NTRK2: variants seen among roughly 807,000 people sequenced by gnomAD.
The protein encoded by NTRK2 is neurotrophic receptor tyrosine kinase 2, also known as BDNF/NT-3 growth factors receptor.
NTRK2 carries 13 observed loss-of-function variants against 94.5 expected under a neutral mutation model. That is an observed-to-expected ratio of 0.14 (90% confidence interval 0.09 to 0.22). The LOEUF is 0.22. Ranked by LOEUF, NTRK2 falls within the 10% of genes least tolerant of loss-of-function variation. The pLI, the probability that NTRK2 is intolerant of heterozygous loss-of-function variation, is 1.00. For synonymous variants in NTRK2, 372 were observed against 407.4 expected, an observed-to-expected ratio of 0.91 and a Z score of 1.05; for missense variants, 639 against 1,071.2, an observed-to-expected ratio of 0.60 and a Z score of 5.63.
chr9:84,961,527 T>G (rs1238065033), intron 17 of NTRK2, among the ~76,000 whole-genome samples: 1 of 152,242 alleles, frequency 6.6e-6, no homozygotes, highest in Non-Finnish European at 1.5e-5. Context: ...AGGTTCTAAA[T>G]TGGTTTAATT....
At chr9:84,815,741 T>G (rs2072334796) in intron 12 of NTRK2, 2 of 1,003,946 alleles carry the variant, frequency 2.0e-6, no homozygotes. Flanking sequence ...TCTTGTGTAC[T>G]TCCTCACACT....
At chr9:84,810,896 C>T in intron 12 of NTRK2, 1 of 1,228,068 alleles carries the variant, frequency 8.1e-7, no homozygotes, top group Non-Finnish European at 1.0e-6. Flanking sequence ...TTGGATTGTA[C>T]TTCTCTTCTG....
At chr9:84,696,893 T>G (rs907857108) in intron 2 of NTRK2, among the ~76,000 whole-genome samples, 11 of 152,094 alleles carry the variant, frequency 7.2e-5, no homozygotes, top group Admixed American at 2.6e-4. Context: ...GACCTTGGGA[T>G]GTAGTAAATG....
intron 17 of NTRK2, among the ~76,000 whole-genome samples, chr9:84,959,601 A>T (rs557879420): frequency 6.6e-6 from 1 of 152,356 alleles, no homozygotes; most frequent in Non-Finnish European, 1.5e-5. Context: ...TACCTTCCCA[A>T]TGAAGGGAGA....
At chr9:84,771,558 A>G (rs1325953180) in intron 12 of NTRK2, among the ~76,000 whole-genome samples, 3 of 152,228 alleles carry the variant, frequency 2.0e-5, no homozygotes, top group African/African-American at 4.8e-5. Context: ...CACAAAAGCC[A>G]TACTAGAGAC....
intron 12 of NTRK2, among the ~76,000 whole-genome samples, chr9:84,808,012 T>C (rs926960001): frequency 2.0e-5 from 3 of 152,216 alleles, no homozygotes; most frequent in Non-Finnish European, 4.4e-5. Context: ...AAATGCCGTA[T>C]GTGTTTTTAT....
At chr9:85,002,195 C>A (rs1390911225) in intron 17 of NTRK2, among the ~76,000 whole-genome samples, 1 of 152,176 alleles carries the variant, frequency 6.6e-6, no homozygotes, top group East Asian at 1.9e-4. Context: ...TCCAGTTAAG[C>A]ACAAGCTTAC....
intron 2 of NTRK2, among the ~76,000 whole-genome samples, chr9:84,673,685 CTTTTTG>C (rs996898492): frequency 1.3e-5 from 2 of 152,066 alleles, no homozygotes; most frequent in Admixed American, 1.3e-4. Context: ...GAGGTAGGAT[CTTTTTG>C]TTTTGTTTTG....
chr9:84,729,741 G>C lies in NTRK2; in HGVS notation c.1159+1782G>C, dbSNP rs940059485. 4.3e-4 allele frequency among the ~76,000 whole-genome samples: 65 copies of C among 152,138 alleles called. 2 individuals are homozygous for C. The highest frequency in any genetic ancestry group is 1.2e-4 in the Non-Finnish European group (8 of 68,036). On this transcript the variant is annotated intron_variant, in intron 9 of 18. Transcript: ENST00000277120. Reference sequence around the variant, plus strand: ...CACCAGTGGCCCTTTGAAACTCTTGGGGGCAAAACTTGATTCAGAGTGAAG... The same window carrying C: ...CACCAGTGGCCCTTTGAAACTCTTGCGGGCAAAACTTGATTCAGAGTGAAG...
chr9:84,814,307 T>C (rs1391837938), intron 12 of NTRK2: 7 of 1,065,156 alleles, frequency 6.6e-6, no homozygotes, highest in Non-Finnish European at 8.0e-6. Flanking sequence ...TCTTCAGGGG[T>C]GTGTGGAGTA....
intron 12 of NTRK2, among the ~76,000 whole-genome samples, chr9:84,786,752 C>T (rs776294234): frequency 1.3e-5 from 2 of 152,176 alleles, no homozygotes; most frequent in East Asian, 1.9e-4. Context: ...GTGGCCACCA[C>T]GTGTGTGTGC....
chr9:84,958,399 AT>A (rs1280472482), intron 17 of NTRK2, among the ~76,000 whole-genome samples: 1 of 152,240 alleles, frequency 6.6e-6, no homozygotes, highest in Non-Finnish European at 1.5e-5. Flanking sequence ...ATATTTTAAC[AT>A]TTGTTAAAAA....
intron 17 of NTRK2, among the ~76,000 whole-genome samples, chr9:84,993,909 T>A (rs925455543): frequency 4.6e-5 from 7 of 152,236 alleles, no homozygotes; most frequent in Admixed American, 4.6e-4. Context: ...CTTGCTTGAA[T>A]GTTACCCCCA....
In NTRK2 at chr9:84,934,511, G is replaced by A. The variant is rs574180802; in HGVS notation, c.1764+219G>A. Among the ~76,000 whole-genome samples the A allele has an allele frequency of 2.0e-5, 3 of 152,322 alleles. No homozygotes were observed. In the East Asian group the frequency reaches 5.8e-4, roughly 29 times the overall value. ...CTCAGTGGCCACTGACAAGTCTGCA[G>A]GCTGTGAAGAGCTCTGAGCTACTCT... On this transcript the variant is annotated intron_variant, in intron 15 of 18. Transcript: ENST00000277120.
chr9:84,795,846 C>T (rs1441498976), intron 12 of NTRK2, among the ~76,000 whole-genome samples: 1 of 152,188 alleles, frequency 6.6e-6, no homozygotes, highest in Admixed American at 6.5e-5. Context: ...GGTTTGGCTG[C>T]TCTCCTATGG....
At chr9:84,859,879 G>A (rs1192689700) in intron 12 of NTRK2, among the ~76,000 whole-genome samples, 2 of 152,196 alleles carry the variant, frequency 1.3e-5, no homozygotes, top group Non-Finnish European at 2.9e-5. Context: ...TTTGGCTCAA[G>A]GCTAGGCCTT....
At chr9:84,861,896 A>G (rs569028786) in intron 13 of NTRK2, among the ~76,000 whole-genome samples, 2 of 152,190 alleles carry the variant, frequency 1.3e-5, no homozygotes, top group Admixed American at 6.5e-5. Context: ...AAATGTACCA[A>G]TGTCAGGAGG....
chr9:84,714,409 T>C (rs1045113587), intron 6 of NTRK2, among the ~76,000 whole-genome samples: 1 of 152,236 alleles, frequency 6.6e-6, no homozygotes, highest in Non-Finnish European at 1.5e-5. Flanking sequence ...TTAGGAGTTC[T>C]TTATAGTTTC....
At chr9:84,884,515 G>T (rs2132240988) in intron 14 of NTRK2, among the ~76,000 whole-genome samples, 1 of 152,222 alleles carries the variant, frequency 6.6e-6, no homozygotes, top group South Asian at 2.1e-4. Flanking sequence ...CAACATCGAC[G>T]ATTAGCTGTT....
Sources: gnomAD v4.1 joint callset for allele counts (sites outside exome capture counted in the v4.1 genomes callset) on GRCh38, gnomAD v4.1.1 for gene constraint, MANE v1.5 for transcripts, NCBI Gene and HGNC (gene_info 2026-07-23, HGNC 2026-07-21) for gene names.